Variants in PRKAG3 observed in about 807,000 individuals in gnomAD.
The protein encoded by PRKAG3 is 5'-AMP-activated protein kinase subunit gamma-3.
A neutral mutation model predicts 56.5 loss-of-function variants in PRKAG3; 39 were observed. The ratio of observed to expected loss-of-function variants is 0.69; its 90% confidence interval spans 0.53 to 0.90. The LOEUF (loss-of-function observed/expected upper bound fraction) is 0.90, where lower values mean the gene tolerates loss of function less well. PRKAG3 is among the 40% of genes least tolerant of loss of function. The probability of loss-of-function intolerance (pLI) is 0.00; values close to 1 mark genes in which losing one functional copy is unlikely to be tolerated. For synonymous variants in PRKAG3, 243 were observed against 250.1 expected, an observed-to-expected ratio of 0.97 and a Z score of 0.27; for missense variants, 628 against 627.5, an observed-to-expected ratio of 1.00 and a Z score of -0.01.
At chr2:218,823,956 G>T in intron 12 of PRKAG3, 78 bp from the exon 13 acceptor site, 1 of 1,426,474 alleles carries the variant, frequency 7.0e-7, no homozygotes, top group Non-Finnish European at 9.9e-7. Flanking sequence ...CAAGAATCAG[G>T]GGAAACAACC....
chr2:218,823,036 G>A (rs2105984636), downstream of PRKAG3: 2 of 982,306 alleles, frequency 2.0e-6, no homozygotes, highest in South Asian at 4.7e-5. Context: ...GCTTCTGGGA[G>A]CACAGGTAGG....
At chr2:218,823,871 C>T in exon 13 of PRKAG3, 1 of 1,613,916 alleles carries the variant, frequency 6.2e-7, no homozygotes. Flanking sequence ...TAGCACCAGC[C>T]TGTGTACCTG....
At chr2:218,830,481 G>C (rs994350281) in intron 3 of PRKAG3, 100 bp from the exon 4 acceptor site, 1 of 1,450,216 alleles carries the variant, frequency 6.9e-7, no homozygotes, top group African/African-American at 1.4e-5. Context: ...GGGAAGCCTG[G>C]ATGCTGTGGC....
chr2:218,831,633 A>AACACACACCAGAAG, intron 1 of PRKAG3, 105 bp downstream of exon 1: 4 of 1,445,162 alleles, frequency 2.8e-6, no homozygotes, highest in Non-Finnish European at 2.8e-6. Flanking sequence ...ATCCAGACCA[A>AACACACACCAGAAG]ACACACACCA....
intron 10 of PRKAG3, 174 bp downstream of exon 10, chr2:218,826,754 C>T: frequency 1.3e-6 from 1 of 747,462 alleles, no homozygotes; most frequent in South Asian, 1.7e-5. Context: ...AACTGAGGCA[C>T]AGAGAGGCTA....
intron 10 of PRKAG3, 87 bp downstream of exon 10, chr2:218,826,841 T>C: frequency 1.9e-6 from 3 of 1,544,286 alleles, no homozygotes; most frequent in Non-Finnish European, 2.7e-6. Context: ...AGGGATGGCA[T>C]GAGAAACCCT....
At chr2:218,826,210 G>T (rs1458997652) in intron 10 of PRKAG3, among the ~76,000 whole-genome samples, 1 of 152,076 alleles carries the variant, frequency 6.6e-6, no homozygotes, top group South Asian at 2.1e-4. Flanking sequence ...GGATATAGGT[G>T]GTTCATTATG....
chr2:218,828,670 G>A (rs903587952), intron 4 of PRKAG3, 70 bp from the exon 5 acceptor site: 16 of 1,352,330 alleles, frequency 1.2e-5, no homozygotes, highest in Non-Finnish European at 1.6e-5. Flanking sequence ...GCCCCTCAGT[G>A]CGCACCTCCC....
Position 218,827,635 on chromosome 2 carries a change from G to A in PRKAG3, c.821-6C>T. The A allele has an allele frequency of 6.8e-6, 11 of 1,614,022 alleles. No homozygotes were observed. Among genetic ancestry groups the A allele is most frequent in the Non-Finnish European group, 8.5e-6 (10 of 1,179,946 alleles). On this transcript the variant is annotated splice_polypyrimidine_tract_variant and splice_region_variant and intron_variant, in intron 7 of 12. Transcript: ENST00000529249. The surrounding 1 kb of genome is among the most constrained non-coding windows in gnomAD (Gnocchi z 5.3). ...GCAGCCTTGCAGGTAGATCTCTGCAGAAAGAGCCAGAGTCAGGCCAGGGGA... is the reference window on the plus strand; with the variant it reads ...GCAGCCTTGCAGGTAGATCTCTGCAAAAAGAGCCAGAGTCAGGCCAGGGGA...
exon 3 of PRKAG3, chr2:218,830,822 C>G: frequency 6.2e-7 from 1 of 1,613,700 alleles, no homozygotes; most frequent in Non-Finnish European, 8.5e-7. Context: ...CCCTCCGTTT[C>G]CCACGGATTC....
exon 4 of PRKAG3, chr2:218,830,018 G>A: frequency 6.2e-7 from 1 of 1,614,008 alleles, no homozygotes; most frequent in South Asian, 1.1e-5. Flanking sequence ...GGAGCTAGTT[G>A]CCATGGCATC....
chr2:218,828,612 G>A lies in PRKAG3; in HGVS notation c.634-12C>T. On this transcript the variant is annotated splice_polypyrimidine_tract_variant and intron_variant, in intron 4 of 12. Transcript: ENST00000529249. ...AAGGCCTTCTTGATCTGAGGGGCCA[G>A]GGAGAACAGTCAAGGGTGGGTCCCG... is the stretch of plus-strand genomic sequence containing the variant. 5 of 1,611,202 alleles carry A rather than the reference G, an allele frequency of 3.1e-6. No individual in the cohort carries two copies. Among genetic ancestry groups the A allele is most frequent in the Non-Finnish European group, 4.2e-6 (5 of 1,178,476 alleles).
chr2:218,827,931 A>G lies in PRKAG3; in HGVS notation c.775-53T>C. 1 of 1,611,050 alleles carries G rather than the reference A, an allele frequency of 6.2e-7. No individual in the cohort carries two copies. Among genetic ancestry groups the G allele is most frequent in the South Asian group, 1.1e-5 (1 of 90,696 alleles). ...TCAGAAAGACGTGGGCTTCTAGGGC[A>G]CCAGGCTCCAGGAGGACTCCCCTCC... On this transcript the variant is annotated intron_variant, in intron 6 of 12. Transcript: ENST00000529249. The surrounding 1 kb of genome is among the most constrained non-coding windows in gnomAD (Gnocchi z 5.3).
At chr2:218,824,254 C>G in exon 12 of PRKAG3, 1 of 1,614,146 alleles carries the variant, frequency 6.2e-7, no homozygotes, top group Non-Finnish European at 8.5e-7. Context: ...ATCACTTCCC[C>G]CAAGCTCTCG....
At chr2:218,829,479 G>A (rs1943986359) in intron 4 of PRKAG3, among the ~76,000 whole-genome samples, 1 of 151,482 alleles carries the variant, frequency 6.6e-6, no homozygotes, top group Non-Finnish European at 1.5e-5. Context: ...CACCACCACG[G>A]CCGGCTAATT....
chr2:218,828,650 C>T (rs894744037), intron 4 of PRKAG3, 50 bp from the exon 5 acceptor site: 3 of 1,511,494 alleles, frequency 2.0e-6, no homozygotes, highest in African/African-American at 1.4e-5. Context: ...AGACCCTCAC[C>T]CCCCTCTCTG....
At position 218,827,017 on chromosome 2, in the gene PRKAG3, G is replaced by C; in HGVS notation, c.1079C>G (p.Ala360Gly). The change falls in exon 10 of 13, where the codon GCT (alanine) becomes GGT (glycine). Residue 360 changes from alanine to glycine, a missense_variant. Ala to Gly is a moderately conservative substitution (Grantham distance 60). Coordinates refer to ENST00000529249, the Ensembl canonical transcript of PRKAG3. The surrounding 1 kb of genome is among the most constrained non-coding windows in gnomAD (Gnocchi z 5.3). ...GATGGGTGCTGTCTCCAGCACCACA[G>C]CCAAGTCTCGGAATGTGCCGATGCC... 1 of 1,614,172 alleles carries C rather than the reference G, an allele frequency of 6.2e-7. No individual in the cohort carries two copies. The highest frequency in any genetic ancestry group is 8.5e-7 in the Non-Finnish European group (1 of 1,180,040).
At chr2:218,830,179 G>C (rs769179848) in exon 4 of PRKAG3, 11 of 1,614,170 alleles carry the variant, frequency 6.8e-6, no homozygotes, top group Non-Finnish European at 9.3e-6. Flanking sequence ...CACACTCCCA[G>C]GCCTCTGTGG....
At chr2:218,828,942 CTAAG>C (rs1943977549) in intron 4 of PRKAG3, among the ~76,000 whole-genome samples, 1 of 152,206 alleles carries the variant, frequency 6.6e-6, no homozygotes, top group South Asian at 2.1e-4. Context: ...TTTTGATAGA[CTAAG>C]TACCGGAGGC....
Sources: allele counts gnomAD v4.1 joint callset (sites outside exome capture counted in the v4.1 genomes callset), GRCh38; gene constraint gnomAD v4.1.1; non-coding constraint Gnocchi (gnomAD v3.1); transcripts MANE v1.5; gene names NCBI Gene and HGNC (gene_info 2026-07-23, HGNC 2026-07-21).